Variants in GLCCI1 observed in about 807,000 individuals in gnomAD.
GLCCI1 encodes glucocorticoid-induced transcript 1 protein.
In GLCCI1, 24 loss-of-function variants were observed where a neutral mutation model predicts 52.2. The observed-to-expected ratio is 0.46, with a 90% confidence interval of 0.33 to 0.65. The LOEUF is 0.65. Among genes scored for constraint, GLCCI1 ranks in the 30% least tolerant of loss-of-function variants. The probability of loss-of-function intolerance (pLI) is 0.02; values close to 1 mark genes in which losing one functional copy is unlikely to be tolerated. For synonymous variants in GLCCI1, 310 were observed against 276.5 expected (o/e 1.12, Z -1.20); for missense variants, 704 against 701.5 (o/e 1.00, Z -0.04).
At chr7:8,027,133 A>G (rs1583982776) in intron 3 of GLCCI1, among the ~76,000 whole-genome samples, 1 of 152,216 alleles carries the variant, frequency 6.6e-6, no homozygotes, top group South Asian at 2.1e-4. Context: ...GACCTCACCA[A>G]ATGAACCAGG....
At chr7:8,051,029 C>G (rs1203007189) in intron 3 of GLCCI1, among the ~76,000 whole-genome samples, 1 of 152,112 alleles carries the variant, frequency 6.6e-6, no homozygotes, top group Non-Finnish European at 1.5e-5. Flanking sequence ...TTAATTGACA[C>G]AGTCATCAAA....
chr7:8,029,219 A>G (rs1562434218), intron 3 of GLCCI1, among the ~76,000 whole-genome samples: 1 of 152,184 alleles, frequency 6.6e-6, no homozygotes, highest in Non-Finnish European at 1.5e-5. Context: ...TAACTAGCAA[A>G]CCAAATTCAG....
intron 1 of GLCCI1, among the ~76,000 whole-genome samples, chr7:7,983,539 C>T (rs1780664504): frequency 6.6e-6 from 1 of 152,140 alleles, no homozygotes; most frequent in Non-Finnish European, 1.5e-5. Flanking sequence ...CAAATAATAG[C>T]ATGTCATTTT....
At chr7:8,034,194 T>C (rs1354932740) in intron 3 of GLCCI1, among the ~76,000 whole-genome samples, 1 of 152,176 alleles carries the variant, frequency 6.6e-6, no homozygotes, top group East Asian at 1.9e-4. Context: ...AATAATTGAA[T>C]ATTTGTATGT....
At chr7:8,028,380 T>C (rs893330776) in intron 3 of GLCCI1, among the ~76,000 whole-genome samples, 1 of 151,900 alleles carries the variant, frequency 6.6e-6, no homozygotes, top group Non-Finnish European at 1.5e-5. Flanking sequence ...AATGAAGAAA[T>C]GAAGAAGGAA....
chr7:8,020,415 C>T (rs1250314355), intron 2 of GLCCI1, among the ~76,000 whole-genome samples: 1 of 152,160 alleles, frequency 6.6e-6, no homozygotes, highest in Non-Finnish European at 1.5e-5. Flanking sequence ...AAATAACACA[C>T]TCTGAAATAA....
rs111305589 is a variant in GLCCI1, at chr7:8,004,068, A to G, written c.609+9A>G. ...AAGACAAAGCTACTCAGGTAAAATC[A>G]GGAAATCAAAATCAGCTTATTACCC... On this transcript the variant is annotated intron_variant, in intron 2 of 7. Coordinates refer to ENST00000223145, the MANE Select transcript of GLCCI1 (RefSeq NM_138426.4). 179 of 1,610,762 alleles carry G rather than the reference A, an allele frequency of 1.1e-4. 1 individual carries two copies. In the Middle Eastern group the frequency reaches 1.2e-3, roughly 10 times the overall value.
At chr7:8,025,204 G>C (rs1199866281) in intron 3 of GLCCI1, among the ~76,000 whole-genome samples, 3 of 152,134 alleles carry the variant, frequency 2.0e-5, no homozygotes, top group African/African-American at 7.2e-5. Context: ...TGTGTTCTTG[G>C]CCAGGAGAGC....
chr7:8,087,255 T>C lies in GLCCI1; in HGVS notation c.*717T>C, dbSNP rs11980709. 2 of 152,590 alleles carry C rather than the reference T, an allele frequency of 1.3e-5. No individual in the cohort carries two copies. The highest frequency in any genetic ancestry group is 4.8e-5 in the African/African-American group (2 of 41,436). 9.5% of individuals were successfully genotyped at this position (152,590 alleles called of 1,614,324 possible). A position where few individuals can be genotyped will look rare whatever the true frequency, so the allele number is the denominator to read the frequency against. ...TGATAATCCTGGACATGGGTGAACA[T>C]GAGGAGAACCAGCAAAATCTGTGGT... On this transcript the variant is annotated 3_prime_UTR_variant, in exon 8 of 8. Transcript: ENST00000223145.
chr7:8,024,245 T>C (rs1562432378), intron 3 of GLCCI1, among the ~76,000 whole-genome samples: 1 of 152,228 alleles, frequency 6.6e-6, no homozygotes, highest in East Asian at 1.9e-4. Flanking sequence ...AGCATGATTT[T>C]ACTTATGATT....
chr7:8,083,376 TTTTGTTTG>T (rs143062514), intron 6 of GLCCI1, among the ~76,000 whole-genome samples: 6 of 152,010 alleles, frequency 3.9e-5, no homozygotes, highest in Non-Finnish European at 7.4e-5. Flanking sequence ...ATGTTTGGTT[TTTTGTTTG>T]TTTGTTTGTT....
intron 7 of GLCCI1, among the ~76,000 whole-genome samples, chr7:8,085,934 A>G (rs1202412737): frequency 6.6e-6 from 1 of 152,204 alleles, no homozygotes; most frequent in African/African-American, 2.4e-5. Flanking sequence ...AATAATTAAA[A>G]GCAAACTAAT....
At chr7:7,991,147 CTTCT>C (rs1269729540) in intron 1 of GLCCI1, among the ~76,000 whole-genome samples, 1 of 152,092 alleles carries the variant, frequency 6.6e-6, no homozygotes, top group Non-Finnish European at 1.5e-5. Flanking sequence ...CCCTTCATCT[CTTCT>C]ACATTTAACC....
intron 2 of GLCCI1, among the ~76,000 whole-genome samples, chr7:8,007,299 G>T (rs1781171834): frequency 6.6e-6 from 1 of 152,134 alleles, no homozygotes; most frequent in African/African-American, 2.4e-5. Context: ...ACATTAATAT[G>T]TACTACATAC....
intron 2 of GLCCI1, among the ~76,000 whole-genome samples, chr7:8,012,007 G>A (rs1198222297): frequency 6.6e-6 from 1 of 151,906 alleles, no homozygotes; most frequent in Non-Finnish European, 1.5e-5. Context: ...AGTAGAGACG[G>A]GGTTTCACTG....
chr7:7,995,225 T>A (rs911032347), intron 1 of GLCCI1, among the ~76,000 whole-genome samples: 13 of 152,208 alleles, frequency 8.5e-5, no homozygotes, highest in African/African-American at 3.1e-4. Context: ...TTCCCTACTT[T>A]AATTATCAAG....
chr7:7,970,707 A>G (rs1780333023), intron 1 of GLCCI1, among the ~76,000 whole-genome samples: 1 of 152,186 alleles, frequency 6.6e-6, no homozygotes, highest in Non-Finnish European at 1.5e-5. Flanking sequence ...GTCTAGGGAC[A>G]CAGTGCATGA....
At chr7:8,063,376 G>C (rs1782558304) in intron 5 of GLCCI1, among the ~76,000 whole-genome samples, 1 of 151,696 alleles carries the variant, frequency 6.6e-6, no homozygotes, top group Non-Finnish European at 1.5e-5. Context: ...GAACTCCTGA[G>C]CTCAGGCAAT....
chr7:7,999,254 T>C (rs1221880358), intron 1 of GLCCI1, among the ~76,000 whole-genome samples: 1 of 152,130 alleles, frequency 6.6e-6, no homozygotes, highest in Non-Finnish European at 1.5e-5. Context: ...TAGATTAGAA[T>C]ATTATTATAC....
Sources: gnomAD v4.1 joint callset for allele counts (sites outside exome capture counted in the v4.1 genomes callset) on GRCh38, gnomAD v4.1.1 for gene constraint, MANE v1.5 for transcripts, NCBI Gene and HGNC (gene_info 2026-07-23, HGNC 2026-07-21) for gene names.